CFHR5: variants seen among roughly 807,000 people sequenced by gnomAD.
CFHR5 encodes complement factor H related 5.
CFHR5 carries 73 observed loss-of-function variants against 62.9 expected under a neutral mutation model. That is an observed-to-expected ratio of 1.16 (90% CI 0.96 to 1.41). The LOEUF (loss-of-function observed/expected upper bound fraction) is 1.41. Ranked by LOEUF, CFHR5 falls within the 40% of genes most tolerant of loss-of-function variation. CFHR5 has a pLI of 0.00. For missense variants in CFHR5, 779 were observed against 679.9 expected, an observed-to-expected ratio of 1.15 and a Z score of -1.62; for synonymous variants, 249 against 227.2, an observed-to-expected ratio of 1.10 and a Z score of -0.86.
chr1:196,979,481 G>A (rs1029969552), intron 1 of CFHR5, among the ~76,000 whole-genome samples: 21 of 152,002 alleles, frequency 1.4e-4, no homozygotes, highest in African/African-American at 5.1e-4. Context: ...AATACTGTGG[G>A]CAACTGTAGC....
At chr1:196,987,899 T>C (rs969839042) in intron 3 of CFHR5, among the ~76,000 whole-genome samples, 1 of 152,236 alleles carries the variant, frequency 6.6e-6, no homozygotes, top group Non-Finnish European at 1.5e-5. Flanking sequence ...TGTCCTATTC[T>C]GTGAAGAAAG....
Position 196,979,046 on chromosome 1 carries a change from C to A in CFHR5, c.58+1324C>A, listed in dbSNP as rs78712365. ...CTGGCCAAACAGCAGAAATAACAGA[C>A]GAAAGCAACACTTTTGTACAAATAG... On this transcript the variant is annotated intron_variant, in intron 1 of 9. Coordinates refer to ENST00000256785, the MANE Select transcript of CFHR5 (RefSeq NM_030787.4). Among the ~76,000 whole-genome samples the A allele has an allele frequency of 2.6e-5, 4 of 151,922 alleles. No individual in the cohort carries two copies. The South Asian group carries it at 8.3e-4, about 32-fold the overall frequency.
At chr1:196,975,534 A>G (rs548640845), upstream of CFHR5, among the ~76,000 whole-genome samples, 34 of 152,324 alleles carry the variant, frequency 2.2e-4, no homozygotes, top group African/African-American at 6.7e-4. Context: ...AGGAGTAAAG[A>G]TCAACATCCA....
At chr1:196,995,565 C>G in intron 4 of CFHR5, 152 bp from the exon 5 acceptor site, 1 of 660,198 alleles carries the variant, frequency 1.5e-6, no homozygotes, top group Non-Finnish European at 2.7e-6. Context: ...CGAATGCAGT[C>G]AATACACTAT....
At chr1:196,995,272 G>C (rs1186584588) in intron 4 of CFHR5, among the ~76,000 whole-genome samples, 2 of 152,040 alleles carry the variant, frequency 1.3e-5, no homozygotes, top group African/African-American at 4.8e-5. Flanking sequence ...TTTAAATATA[G>C]AGAGGATATA....
At chr1:196,996,335 C>A in intron 6 of CFHR5, 134 bp downstream of exon 6, 3 of 736,922 alleles carry the variant, frequency 4.1e-6, no homozygotes, top group South Asian at 1.5e-5. Context: ...ATATGTCAAT[C>A]CATTTATTCA....
chr1:196,996,575 G>T (rs77660655), intron 6 of CFHR5, among the ~76,000 whole-genome samples: 2,057 of 152,138 alleles, frequency 0.014, 44 homozygotes, highest in African/African-American at 0.045. Context: ...ATATTTAATT[G>T]GGATATTGTA....
At chr1:197,001,381 C>A (rs16840946) in intron 7 of CFHR5, among the ~76,000 whole-genome samples, 3,650 of 151,910 alleles carry the variant, frequency 0.024, 165 homozygotes, top group African/African-American at 0.085. Context: ...AGGTTCTGTT[C>A]AAATAATTTA....
At chr1:196,984,236 C>T in intron 3 of CFHR5, 99 bp downstream of exon 3, 2 of 1,003,486 alleles carry the variant, frequency 2.0e-6, no homozygotes, top group South Asian at 1.4e-5. Context: ...TTCACCACTA[C>T]TTCTATCATT....
chr1:196,994,913 A>G (rs1653948780), intron 4 of CFHR5, among the ~76,000 whole-genome samples: 1 of 152,114 alleles, frequency 6.6e-6, no homozygotes, highest in African/African-American at 2.4e-5. Context: ...AAACCATCAG[A>G]GCTCGTGAGA....
intron 1 of CFHR5, among the ~76,000 whole-genome samples, chr1:196,982,433 A>G (rs1036797862): frequency 5.3e-5 from 8 of 152,138 alleles, no homozygotes; most frequent in Admixed American, 2.0e-4. Flanking sequence ...GCAGTTTGGG[A>G]GGCCGAGGCG....
At position 196,999,770 on chromosome 1, in the gene CFHR5, CATATATGT is replaced by C. The variant is rs1292215601; in HGVS notation, c.1147+1483_1147+1490del. On this transcript the variant is annotated intron_variant, in intron 7 of 9. Transcript: ENST00000256785. Reference sequence around the variant, plus strand: ...ACACACATATGTATATACACACACACATATATGTATATATGTATATATGTGTGTATATA... The same window carrying C: ...ACACACATATGTATATACACACACACATATATGTATATATGTGTGTATATA... Among the ~76,000 whole-genome samples the C allele has an allele frequency of 1.7e-4, 24 of 140,590 alleles. No homozygotes were observed. The South Asian group carries it at 1.8e-3, about 11-fold the overall frequency. The allele number at this position is 140,590 out of a possible 152,430, so 92.2% of individuals were successfully genotyped here.
At chr1:196,980,233 G>A (rs1448971353) in intron 1 of CFHR5, among the ~76,000 whole-genome samples, 1 of 151,968 alleles carries the variant, frequency 6.6e-6, no homozygotes, top group Non-Finnish European at 1.5e-5. Context: ...GCCTGAGGAT[G>A]TTTTACAGTT....
chr1:197,008,035 AAGAG>A (rs557008677), intron 9 of CFHR5, among the ~76,000 whole-genome samples: 278 of 148,610 alleles, frequency 1.9e-3, no homozygotes, highest in Admixed American at 6.7e-3. Context: ...GATTTTAAGA[AAGAG>A]TGAGTGATAT....
intron 3 of CFHR5, among the ~76,000 whole-genome samples, chr1:196,986,283 C>T (rs1172041543): frequency 6.6e-6 from 1 of 151,800 alleles, no homozygotes; most frequent in Non-Finnish European, 1.5e-5. Context: ...CTCTGGGGGC[C>T]GTTATTCCAT....
upstream of CFHR5, among the ~76,000 whole-genome samples, chr1:196,976,953 C>T (rs1209466063): frequency 2.0e-5 from 3 of 151,454 alleles, no homozygotes; most frequent in Non-Finnish European, 2.9e-5. Flanking sequence ...TACAGGCGCC[C>T]GCCACCACGC....
intron 9 of CFHR5, among the ~76,000 whole-genome samples, chr1:197,008,009 A>G (rs1362364757): frequency 6.8e-6 from 1 of 147,912 alleles, no homozygotes; most frequent in Non-Finnish European, 1.5e-5. Context: ...ATATATAAAT[A>G]TATATATAAA....
At chr1:197,005,003 A>T (rs1394556338) in intron 9 of CFHR5, among the ~76,000 whole-genome samples, 160 bp downstream of exon 9, 1 of 152,196 alleles carries the variant, frequency 6.6e-6, no homozygotes, top group Non-Finnish European at 1.5e-5. Flanking sequence ...AATTTGCTTT[A>T]TGCAAAGTGA....
intron 3 of CFHR5, among the ~76,000 whole-genome samples, chr1:196,989,157 A>C (rs958900218): frequency 6.6e-6 from 1 of 152,160 alleles, no homozygotes; most frequent in Non-Finnish European, 1.5e-5. Flanking sequence ...TTATTTGCGT[A>C]GAGGTGTTTA....
Sources: gnomAD v4.1 joint callset for allele counts (sites outside exome capture counted in the v4.1 genomes callset) on GRCh38, gnomAD v4.1.1 for gene constraint, MANE v1.5 for transcripts, NCBI Gene and HGNC (gene_info 2026-07-23, HGNC 2026-07-21) for gene names.